TTC28: variants seen among roughly 807,000 people sequenced by gnomAD.
The protein encoded by TTC28 is tetratricopeptide repeat domain 28.
TTC28 carries 61 observed loss-of-function variants against 198.0 expected under a neutral mutation model. That is an observed-to-expected ratio of 0.31 (90% CI 0.25 to 0.38). TTC28 has a LOEUF of 0.38. Ranked by LOEUF, TTC28 falls within the 10% of genes least tolerant of loss-of-function variation. The probability of loss-of-function intolerance (pLI) is 1.00; values close to 1 mark genes in which losing one functional copy is unlikely to be tolerated. For synonymous variants in TTC28, 1,171 were observed against 1,297.8 expected, an observed-to-expected ratio of 0.90 and a Z score of 2.10; for missense variants, 2,678 against 3,164.0, an observed-to-expected ratio of 0.85 and a Z score of 3.69.
At chr22:28,588,272 A>G (rs976141186) in intron 2 of TTC28, among the ~76,000 whole-genome samples, 19 of 152,246 alleles carry the variant, frequency 1.2e-4, no homozygotes, top group African/African-American at 4.1e-4. Flanking sequence ...ATCAGGAACT[A>G]TAATTTACCT....
chr22:28,196,856 A>G (rs1299021758), intron 5 of TTC28, among the ~76,000 whole-genome samples: 3 of 152,186 alleles, frequency 2.0e-5, no homozygotes, highest in Non-Finnish European at 2.9e-5. Context: ...TGTGGAAGTC[A>G]GTGTGGTGAT....
At chr22:28,075,921 G>A (rs1468485124) in intron 12 of TTC28, among the ~76,000 whole-genome samples, 1 of 152,150 alleles carries the variant, frequency 6.6e-6, no homozygotes, top group South Asian at 2.1e-4. Context: ...TCCACACCGT[G>A]AGCTACTGTA....
chr22:28,333,158 T>C (rs1214894505), intron 2 of TTC28, among the ~76,000 whole-genome samples: 1 of 152,142 alleles, frequency 6.6e-6, no homozygotes, highest in Non-Finnish European at 1.5e-5. Flanking sequence ...CGATTTAGTC[T>C]ATTTCAAAAT....
chr22:28,464,025 T>C (rs1400064661), intron 2 of TTC28, among the ~76,000 whole-genome samples: 1 of 152,184 alleles, frequency 6.6e-6, no homozygotes, highest in Non-Finnish European at 1.5e-5. Flanking sequence ...GAGAGAACTA[T>C]CATTTGGATA....
At chr22:28,234,125 C>A (rs1929041815) in intron 5 of TTC28, among the ~76,000 whole-genome samples, 1 of 152,048 alleles carries the variant, frequency 6.6e-6, no homozygotes, top group African/African-American at 2.4e-5. Flanking sequence ...CCAGGATGGT[C>A]TCGATCTCCT....
chr22:28,207,609 G>A (rs949685997), intron 5 of TTC28, among the ~76,000 whole-genome samples: 1 of 152,112 alleles, frequency 6.6e-6, no homozygotes, highest in Non-Finnish European at 1.5e-5. Context: ...TAAGCGTACA[G>A]AAGAAAAAGA....
intron 5 of TTC28, among the ~76,000 whole-genome samples, chr22:28,272,408 T>C (rs890331356): frequency 2.6e-5 from 4 of 152,216 alleles, no homozygotes; most frequent in Non-Finnish European, 4.4e-5. Flanking sequence ...AGCCCTGATA[T>C]GAGAATAGTC....
intron 5 of TTC28, among the ~76,000 whole-genome samples, chr22:28,294,809 C>T (rs941687360): frequency 3.3e-5 from 5 of 152,124 alleles, no homozygotes; most frequent in African/African-American, 1.2e-4. Flanking sequence ...CCTCATGATC[C>T]GCCTGCCTCA....
chr22:28,036,686 G>A (rs1363218387), intron 12 of TTC28, among the ~76,000 whole-genome samples: 1 of 152,126 alleles, frequency 6.6e-6, no homozygotes, highest in Non-Finnish European at 1.5e-5. Flanking sequence ...AACTGAAGGA[G>A]ATAGAGACAT....
chr22:28,211,094 T>A (rs1926909466), intron 5 of TTC28, among the ~76,000 whole-genome samples: 1 of 152,128 alleles, frequency 6.6e-6, no homozygotes, highest in Non-Finnish European at 1.5e-5. Context: ...AGAGATTTTG[T>A]CACCACCAGG....
At chr22:27,995,453 G>A (rs1937534841) in intron 17 of TTC28, among the ~76,000 whole-genome samples, 1 of 152,192 alleles carries the variant, frequency 6.6e-6, no homozygotes, top group Non-Finnish European at 1.5e-5. Context: ...CGAGGTAGAA[G>A]GATGAAACAA....
intron 2 of TTC28, among the ~76,000 whole-genome samples, chr22:28,397,649 T>C (rs761936894): frequency 2.6e-5 from 4 of 152,234 alleles, no homozygotes; most frequent in Admixed American, 1.3e-4. Context: ...GTTTTGAGTC[T>C]TTTATTTCCT....
intron 5 of TTC28, among the ~76,000 whole-genome samples, chr22:28,192,917 T>C (rs1337319162): frequency 6.6e-6 from 1 of 152,102 alleles, no homozygotes; most frequent in Admixed American, 6.5e-5. Context: ...CAGGCCAACA[T>C]TCAAATTCAG....
intron 5 of TTC28, among the ~76,000 whole-genome samples, chr22:28,276,210 G>A (rs994793890): frequency 2.0e-5 from 3 of 151,648 alleles, no homozygotes; most frequent in Non-Finnish European, 2.9e-5. Flanking sequence ...ACGAGGTTTC[G>A]CCATGTTGCC....
At chr22:28,386,128 A>T (rs1398649439) in intron 2 of TTC28, among the ~76,000 whole-genome samples, 2 of 151,074 alleles carry the variant, frequency 1.3e-5, no homozygotes, top group Middle Eastern at 3.4e-3. Flanking sequence ...TACAAAAAAT[A>T]GCCGGGCGTA....
intron 5 of TTC28, among the ~76,000 whole-genome samples, chr22:28,243,208 A>AAAAAAAAAAAAAAAAC (rs1569217602): frequency 2.5e-5 from 3 of 120,788 alleles, no homozygotes; most frequent in African/African-American, 8.9e-5. Flanking sequence ...AAAAAAAAAA[A>AAAAAAAAAAAAAAAAC]AAAAACTAGC....
intron 5 of TTC28, among the ~76,000 whole-genome samples, chr22:28,230,611 G>C (rs1295000472): frequency 6.6e-6 from 1 of 152,162 alleles, no homozygotes; most frequent in African/African-American, 2.4e-5. Context: ...TGCCTTCCCT[G>C]AATTACACAG....
intron 2 of TTC28, among the ~76,000 whole-genome samples, chr22:28,388,430 T>A (rs979946056): frequency 5.3e-5 from 8 of 152,238 alleles, no homozygotes; most frequent in African/African-American, 1.9e-4. Context: ...GTAAATTATC[T>A]TGGGCAGTAT....
At chr22:28,610,458 T>A (rs1047764955) in intron 2 of TTC28, among the ~76,000 whole-genome samples, 2 of 152,246 alleles carry the variant, frequency 1.3e-5, no homozygotes, top group Non-Finnish European at 2.9e-5. Context: ...GGGTCTAAAG[T>A]GGACCTCCAG....
Sources: allele counts gnomAD v4.1 joint callset (sites outside exome capture counted in the v4.1 genomes callset), GRCh38; gene constraint gnomAD v4.1.1; transcripts MANE v1.5; gene names NCBI Gene and HGNC (gene_info 2026-07-23, HGNC 2026-07-21).